COLGALT1: variants seen among roughly 807,000 people sequenced by gnomAD.
The protein encoded by COLGALT1 is collagen beta(1-O)galactosyltransferase 1, also known as procollagen galactosyltransferase 1.
In COLGALT1, 43 loss-of-function variants were observed where a neutral mutation model predicts 60.8. That is an observed-to-expected ratio of 0.71 (90% CI 0.55 to 0.91). The LOEUF is 0.91. Ranked by LOEUF, COLGALT1 falls within the 40% of genes least tolerant of loss-of-function variation. COLGALT1 has a pLI of 0.00. For missense variants in COLGALT1, 845 were observed against 880.0 expected (o/e 0.96, Z 0.50); for synonymous variants, 369 against 374.2 (o/e 0.99, Z 0.16).
At chr19:17,564,169 G>A (rs2076266332) in intron 3 of COLGALT1, among the ~76,000 whole-genome samples, 1 of 151,894 alleles carries the variant, frequency 6.6e-6, no homozygotes, top group South Asian at 2.1e-4. Flanking sequence ...GATTGCTTGA[G>A]CCCAGGAGTA....
intron 4 of COLGALT1, 140 bp downstream of exon 4, chr19:17,567,680 T>C: frequency 2.1e-6 from 2 of 932,482 alleles, no homozygotes; most frequent in Admixed American, 2.5e-5. Flanking sequence ...GGCTCACACC[T>C]GTAACCCCAG....
At chr19:17,571,811 CT>C (rs2076314295) in intron 5 of COLGALT1, 1 of 151,978 alleles carries the variant, frequency 6.6e-6, no homozygotes, top group Non-Finnish European at 1.5e-5. Flanking sequence ...TCAAACTTTC[CT>C]TTTTGTGCCT....
intron 1 of COLGALT1, among the ~76,000 whole-genome samples, chr19:17,558,503 C>T (rs1468513615): frequency 2.0e-5 from 3 of 150,216 alleles, no homozygotes; most frequent in Non-Finnish European, 3.0e-5. Context: ...CATGGCGAAA[C>T]CCCATCTCTA....
At chr19:17,576,681 T>TG (rs1405836805) in intron 6 of COLGALT1, among the ~76,000 whole-genome samples, 9 of 14,280 alleles carry the variant, frequency 6.3e-4, no homozygotes, top group East Asian at 6.3e-3. Context: ...AAGGTGGGGC[T>TG]GGGGGGGTGC....
chr19:17,574,022 A>G (rs576861489), intron 6 of COLGALT1, among the ~76,000 whole-genome samples: 1 of 152,312 alleles, frequency 6.6e-6, no homozygotes, highest in African/African-American at 2.4e-5. Context: ...TCCATGAACT[A>G]TGAAACCAGC....
At chr19:17,577,007 G>GGGCCTGGGGGGAGGCCAGGGCTGTGT in intron 6 of COLGALT1, 188 bp from the exon 7 acceptor site, 1 of 361,452 alleles carries the variant, frequency 2.8e-6, no homozygotes, top group Non-Finnish European at 5.1e-6. Context: ...CAGGGCTTTG[G>GGGCCTGGGGGGAGGCCAGGGCTGTGT]GCTGCTGTGC....
chr19:17,574,663 C>T (rs959571059), intron 6 of COLGALT1, among the ~76,000 whole-genome samples: 3 of 152,060 alleles, frequency 2.0e-5, no homozygotes, highest in Non-Finnish European at 4.4e-5. Flanking sequence ...TGAGGTGACA[C>T]CTGGAGACTG....
rs953565895 is a variant in COLGALT1, at chr19:17,560,372, G to A, written c.396G>A (p.Pro132=). 3.7e-6 allele frequency: 6 copies of A among 1,614,052 alleles called. No homozygotes were observed. The highest frequency in any genetic ancestry group is 5.1e-6 in the Non-Finnish European group (6 of 1,180,014). Residue 132 remains proline, a synonymous_variant, in exon 3 of 12, where the codon CCG becomes CCA. Coordinates refer to ENST00000252599, the MANE Select transcript of COLGALT1 (RefSeq NM_024656.4). Reference sequence around the variant, plus strand: ...GGTCCTACCCGGACGAGGAAGGCCCGAAACACTGGTCTGACTCACGCTACG... The same window carrying A: ...GGTCCTACCCGGACGAGGAAGGCCCAAAACACTGGTCTGACTCACGCTACG... The part of the protein sequence containing the change: ...EPRSYPDEEG[P]KHWSDSRYEH...
chr19:17,563,770 C>T lies in COLGALT1; in HGVS notation c.489+3305C>T, dbSNP rs115560358. Among the ~76,000 whole-genome samples the T allele has an allele frequency of 8.4e-3, 1,271 of 152,134 alleles. 20 individuals carry two copies. The highest frequency in any genetic ancestry group is 0.029 in the African/African-American group (1,210 of 41,524). On this transcript the variant is annotated intron_variant, in intron 3 of 11. Coordinates refer to ENST00000252599, the MANE Select transcript of COLGALT1 (RefSeq NM_024656.4). ...CCTCCCAAAGTACTACTGGGATTAC[C>T]GGTGTGAGCCACTGCGCCTGGTCAC...
At chr19:17,569,444 T>G (rs1421387606) in intron 5 of COLGALT1, among the ~76,000 whole-genome samples, 1 of 100,194 alleles carries the variant, frequency 1.0e-5, no homozygotes. Context: ...TTTTCTTTTG[T>G]TTTTTTTTTT....
chr19:17,556,201 A>G (rs2076210135), intron 1 of COLGALT1, among the ~76,000 whole-genome samples: 1 of 152,176 alleles, frequency 6.6e-6, no homozygotes, highest in Non-Finnish European at 1.5e-5. Flanking sequence ...CCATGGGGCC[A>G]GACACAGCCC....
rs1297348111 is a variant in COLGALT1 at position 17,581,797 on chromosome 19, A to G, written c.*353A>G. ...TCAGCGATTGATTCAGTCATCAAGCAGTTACTGATCAGATTAAGAATCAGG... is the reference window on the plus strand; with the variant it reads ...TCAGCGATTGATTCAGTCATCAAGCGGTTACTGATCAGATTAAGAATCAGG... On this transcript the variant is annotated 3_prime_UTR_variant, in exon 12 of 12. Transcript: ENST00000252599. 1 of 321,154 alleles carries G rather than the reference A, an allele frequency of 3.1e-6. No homozygotes were observed. Among genetic ancestry groups the G allele is most frequent in the Non-Finnish European group, 5.9e-6 (1 of 170,852 alleles). 19.9% of individuals were successfully genotyped at this position (321,154 alleles called of 1,614,324 possible). A position where few individuals can be genotyped will look rare whatever the true frequency, so the allele number is the denominator to read the frequency against.
chr19:17,581,198 C>A lies in COLGALT1; in HGVS notation c.1623C>A (p.Phe541Leu). The A allele has an allele frequency of 6.2e-7, 1 of 1,607,966 alleles. No individual in the cohort carries two copies. The highest frequency in any genetic ancestry group is 8.5e-7 in the Non-Finnish European group (1 of 1,178,338). Residue 541 changes from phenylalanine to leucine, a missense_variant, in exon 12 of 12, where the codon TTC becomes TTA. By Grantham distance (22) the Phe-to-Leu change is conservative. Transcript: ENST00000252599. ...KHPVSEYKAHFSLRNLHAFSV... is the reference protein window; with the variant it reads ...KHPVSEYKAHLSLRNLHAFSV... ...CCAGGTCCGAGTACAAGGCCCACTT[C>A]TCCCTCCGCAACCTGCATGCCTTCT... is the stretch of plus-strand genomic sequence containing the variant.
Position 17,577,442 on chromosome 19 carries a change from C to G in COLGALT1, c.1108C>G (p.Arg370Gly). 4.8e-6 allele frequency: 5 copies of G among 1,049,746 alleles called. No homozygotes were observed. The highest frequency in any genetic ancestry group is 5.7e-6 in the Non-Finnish European group (5 of 871,994). 65.0% of individuals were successfully genotyped at this position (1,049,746 alleles called of 1,614,324 possible). A position where few individuals can be genotyped will look rare whatever the true frequency, so the allele number is the denominator to read the frequency against. Residue 370 changes from arginine to glycine, a missense_variant, in exon 8 of 12, where the codon CGG becomes GGG. Arg to Gly is a moderately radical substitution (Grantham distance 125). Coordinates refer to ENST00000252599, the MANE Select transcript of COLGALT1 (RefSeq NM_024656.4). The stretch of plus-strand genomic sequence containing the variant: ...GCTGCAGGCACAGGAGATCGAGTGC[C>G]GGCTGGTGGAGGCCGTGGACGGCAA... ...RALQAQEIEC[R>G]LVEAVDGKAM...
intron 10 of COLGALT1, chr19:17,580,274 A>C: frequency 9.1e-6 from 2 of 219,488 alleles, no homozygotes; most frequent in South Asian, 6.9e-5. Context: ...CCCTTCCTCC[A>C]TCTCTTTTTT....
At chr19:17,569,225 C>T (rs2076297767) in intron 5 of COLGALT1, among the ~76,000 whole-genome samples, 1 of 151,908 alleles carries the variant, frequency 6.6e-6, no homozygotes, top group African/African-American at 2.4e-5. Context: ...AAAAAAATAC[C>T]TATTGATTGC....
Position 17,581,453 on chromosome 19 carries a change from A to T in COLGALT1, c.*9A>T. The T allele has an allele frequency of 1.2e-6, 2 of 1,601,172 alleles. No individual in the cohort carries two copies. Among genetic ancestry groups the T allele is most frequent in the Non-Finnish European group, 1.7e-6 (2 of 1,176,478 alleles). ...CCCGGGATGAACTCTGAGGGGTAGC[A>T]GCCAGAAAGCCAAAGCAGCCATCGG... On this transcript the variant is annotated 3_prime_UTR_variant, in exon 12 of 12. Transcript: ENST00000252599.
intron 1 of COLGALT1, 123 bp downstream of exon 1, chr19:17,556,096 C>T: frequency 1.8e-6 from 2 of 1,106,504 alleles, no homozygotes; most frequent in Non-Finnish European, 2.3e-6. Flanking sequence ...GCGCGTGCTT[C>T]CTGCTCGCTA....
At chr19:17,570,477 C>T (rs893256285) in intron 5 of COLGALT1, among the ~76,000 whole-genome samples, 1 of 152,000 alleles carries the variant, frequency 6.6e-6, no homozygotes, top group African/African-American at 2.4e-5. Flanking sequence ...AACTCCTGGC[C>T]TTAAGTGATC....
Sources: allele counts gnomAD v4.1 joint callset (sites outside exome capture counted in the v4.1 genomes callset), GRCh38; gene constraint gnomAD v4.1.1; transcripts MANE v1.5; gene names NCBI Gene and HGNC (gene_info 2026-07-23, HGNC 2026-07-21).